Variants in SRGAP3 observed in about 807,000 individuals in gnomAD.
The protein encoded by SRGAP3 is SLIT-ROBO Rho GTPase activating protein 3.
In SRGAP3, 39 loss-of-function variants were observed where a neutral mutation model predicts 121.1. The ratio of observed to expected loss-of-function variants is 0.32; its 90% CI spans 0.25 to 0.42. The LOEUF (loss-of-function observed/expected upper bound fraction) is 0.42, where lower values mean the gene tolerates loss of function less well. Among genes scored for constraint, SRGAP3 ranks in the 10% least tolerant of loss-of-function variants. The pLI, the probability that SRGAP3 is intolerant of heterozygous loss-of-function variation, is 1.00. For synonymous variants in SRGAP3, 601 were observed against 570.0 expected, an observed-to-expected ratio of 1.05 and a Z score of -0.77; for missense variants, 1,213 against 1,470.6, an observed-to-expected ratio of 0.82 and a Z score of 2.86.
At chr3:9,015,135 C>T (rs1331733006) in intron 15 of SRGAP3, among the ~76,000 whole-genome samples, 2 of 152,200 alleles carry the variant, frequency 1.3e-5, no homozygotes, top group Admixed American at 6.5e-5. Flanking sequence ...TCCACGTCTC[C>T]CCATCACCCA....
chr3:9,022,618 T>C (rs747549785), intron 14 of SRGAP3, among the ~76,000 whole-genome samples: 7 of 152,192 alleles, frequency 4.6e-5, no homozygotes, highest in Middle Eastern at 3.4e-3. Flanking sequence ...GCTTGGTGAA[T>C]ATCAAGGAAC....
At chr3:9,126,572 C>T (rs983592942) in intron 1 of SRGAP3, among the ~76,000 whole-genome samples, 4 of 151,888 alleles carry the variant, frequency 2.6e-5, no homozygotes, top group Admixed American at 1.3e-4. Context: ...GGAGGTTGCA[C>T]GCCATTGCAC....
intron 3 of SRGAP3, chr3:9,081,169 A>T (rs1045987856): frequency 2.2e-6 from 1 of 452,120 alleles, no homozygotes; most frequent in Non-Finnish European, 4.4e-6. Flanking sequence ...GACTGGTTAC[A>T]ACAGATGCCC....
At chr3:9,299,453 A>C (rs1426666705) in intron 3 of SRGAP3, among the ~76,000 whole-genome samples, 2 of 152,070 alleles carry the variant, frequency 1.3e-5, no homozygotes, top group African/African-American at 2.4e-5. Flanking sequence ...TGTTACTGCC[A>C]CTGCAAAAGC....
At chr3:9,284,011 C>T (rs1418147299) in intron 3 of SRGAP3, among the ~76,000 whole-genome samples, 4 of 152,140 alleles carry the variant, frequency 2.6e-5, no homozygotes. Flanking sequence ...TGTAAAATAG[C>T]TCCCATAGAA....
chr3:9,348,718 G>A (rs1165077118), intron 1 of SRGAP3: 32 of 1,238,832 alleles, frequency 2.6e-5, no homozygotes, highest in South Asian at 8.4e-5. Flanking sequence ...AGCACTCTGG[G>A]GGTCTGATCG....
intron 18 of SRGAP3, among the ~76,000 whole-genome samples, chr3:9,006,410 A>AAAAAAAAG (rs1559892466): frequency 1.3e-5 from 2 of 151,468 alleles, no homozygotes; most frequent in African/African-American, 4.9e-5. Context: ...AAAAAAAAAA[A>AAAAAAAAG]AAAAGAAAAG....
chr3:8,990,601 C>T lies in SRGAP3; in HGVS notation c.2797G>A (p.Glu933Lys), dbSNP rs541465882. The T allele has an allele frequency of 1.7e-5, 27 of 1,607,534 alleles. No individual in the cohort carries two copies. The East Asian group carries it at 2.5e-4, about 15-fold the overall frequency. ...INYPDKKALS[E>K]GHSMRSTCGS... is the part of the protein sequence containing the mutation. ...CAGGTCGACCTCATCGAGTGCCCTTCGGAGAGCGCCTTCTTGTCAGGGTAG... is the reference window on the plus strand; with the variant it reads ...CAGGTCGACCTCATCGAGTGCCCTTTGGAGAGCGCCTTCTTGTCAGGGTAG... The change falls in exon 21 of 22, where the codon GAA (glutamate) becomes AAA (lysine). Residue 933 changes from glutamate to lysine, a missense_variant. By Grantham distance (56) the Glu-to-Lys change is moderately conservative (BLOSUM62 1). This residue lies in a region of SRGAP3 where 420 missense variants were observed against 437.7 expected (regional missense o/e 0.96). Transcript: ENST00000383836.
At chr3:9,030,513 G>A (rs991652088) in intron 12 of SRGAP3, among the ~76,000 whole-genome samples, 6 of 152,206 alleles carry the variant, frequency 3.9e-5, no homozygotes, top group African/African-American at 1.4e-4. Flanking sequence ...AAAGAAGATT[G>A]ACCAAAGCAG....
At chr3:9,049,241 G>T (rs935943629) in intron 9 of SRGAP3, 14 of 369,106 alleles carry the variant, frequency 3.8e-5, no homozygotes, top group Middle Eastern at 1.7e-3. Flanking sequence ...TAAGACTGGG[G>T]TCACCTCACA....
upstream of SRGAP3, among the ~76,000 whole-genome samples, chr3:9,251,093 T>C (rs1233125204): frequency 6.6e-6 from 1 of 152,206 alleles, no homozygotes; most frequent in Admixed American, 6.5e-5. Flanking sequence ...CAAGGCTTCC[T>C]AGAGGACATG....
At chr3:9,346,731 G>C (rs1036741298) in intron 1 of SRGAP3, among the ~76,000 whole-genome samples, 12 of 150,088 alleles carry the variant, frequency 8.0e-5, no homozygotes, top group Middle Eastern at 3.4e-3. Flanking sequence ...AACAAGAATA[G>C]AGCAACTAAA....
At chr3:9,002,282 TAGC>T (rs1446075879) in intron 18 of SRGAP3, among the ~76,000 whole-genome samples, 3 of 152,122 alleles carry the variant, frequency 2.0e-5, no homozygotes, top group Non-Finnish European at 4.4e-5. Context: ...TAGGAATCAA[TAGC>T]AGGAAAAAAA....
At chr3:9,214,154 ACAC>A (rs781645670) in intron 1 of SRGAP3, among the ~76,000 whole-genome samples, 5 of 151,980 alleles carry the variant, frequency 3.3e-5, no homozygotes, top group Admixed American at 6.6e-5. Context: ...GCACACACAC[ACAC>A]AAGAATATAA....
chr3:9,214,474 CT>C (rs2125185159), intron 1 of SRGAP3, among the ~76,000 whole-genome samples: 1 of 152,330 alleles, frequency 6.6e-6, no homozygotes, highest in South Asian at 2.1e-4. Context: ...CCTCGGTTTA[CT>C]GTTAACATCC....
rs142427625 is a variant in SRGAP3 at position 9,179,813 on chromosome 3, C to T, written c.68-54896G>A. On this transcript the variant is annotated intron_variant, in intron 1 of 21. Coordinates refer to ENST00000383836, the MANE Select transcript of SRGAP3 (RefSeq NM_014850.4). Reference sequence around the variant, plus strand: ...CCTTCATAAGACCTGACTGTGAAGACGTAGAGGTCAAGCGACTAGCCCAAG... The same window carrying T: ...CCTTCATAAGACCTGACTGTGAAGATGTAGAGGTCAAGCGACTAGCCCAAG... Among the ~76,000 whole-genome samples, 6 of 152,342 alleles carry T rather than the reference C, an allele frequency of 3.9e-5. 1 individual carries two copies. Among genetic ancestry groups the T allele is most frequent in the African/African-American group, 7.2e-5 (3 of 41,580 alleles).
chr3:9,138,046 T>C (rs1408816378), intron 1 of SRGAP3, among the ~76,000 whole-genome samples: 33 of 152,236 alleles, frequency 2.2e-4, no homozygotes, highest in Admixed American at 2.1e-3. Context: ...TCCAGCTGCG[T>C]CCTCTGACTG....
At chr3:9,267,024 T>G (rs182373408) in intron 3 of SRGAP3, among the ~76,000 whole-genome samples, 27 of 152,348 alleles carry the variant, frequency 1.8e-4, no homozygotes, top group African/African-American at 6.0e-4. Flanking sequence ...ACCCAATCTC[T>G]TTTAGGAAAT....
intron 18 of SRGAP3, 104 bp from the exon 19 acceptor site, chr3:8,994,627 C>G: frequency 6.9e-7 from 1 of 1,454,248 alleles, no homozygotes; most frequent in Non-Finnish European, 9.5e-7. Flanking sequence ...ATAGACTGCA[C>G]AGCTGGTGAG....
Sources: allele counts gnomAD v4.1 joint callset (sites outside exome capture counted in the v4.1 genomes callset), GRCh38; gene constraint gnomAD v4.1.1; regional missense constraint gnomAD v4.1.1; transcripts MANE v1.5; gene names NCBI Gene and HGNC (gene_info 2026-07-23, HGNC 2026-07-21).